The following MBNL1 variants were observed in gnomAD, a reference collection of about 807,000 sequenced individuals.
MBNL1 encodes the protein muscleblind-like protein 1.
A neutral mutation model predicts 42.2 loss-of-function variants in MBNL1; 8 were observed. The ratio of observed to expected loss-of-function variants is 0.19; its 90% CI spans 0.11 to 0.34. MBNL1 has a LOEUF of 0.34. MBNL1 is among the 10% of genes least tolerant of loss of function. The pLI, the probability that MBNL1 is intolerant of heterozygous loss-of-function variation, is 1.00. For missense variants in MBNL1, 309 were observed against 495.3 expected (o/e 0.62, Z 3.57); for synonymous variants, 169 against 173.9 (o/e 0.97, Z 0.22).
At chr3:152,309,106 A>G (rs1215782646) in intron 2 of MBNL1, among the ~76,000 whole-genome samples, 1 of 152,166 alleles carries the variant, frequency 6.6e-6, no homozygotes, top group Non-Finnish European at 1.5e-5. Flanking sequence ...CTTGAGGAAG[A>G]GAGAAAGAAA....
chr3:152,423,719 A>G (rs1446699786), intron 3 of MBNL1, among the ~76,000 whole-genome samples: 1 of 152,220 alleles, frequency 6.6e-6, no homozygotes, highest in African/African-American at 2.4e-5. Context: ...GAGTACATTA[A>G]AAAGCTTATC....
chr3:152,365,290 T>C (rs2096282836), intron 2 of MBNL1, among the ~76,000 whole-genome samples: 1 of 152,102 alleles, frequency 6.6e-6, no homozygotes, highest in African/African-American at 2.4e-5. Context: ...ACCCCTCTTA[T>C]CACTTGATTA....
intron 1 of MBNL1, among the ~76,000 whole-genome samples, chr3:152,281,093 A>G (rs901311208): frequency 1.3e-5 from 2 of 152,140 alleles, no homozygotes; most frequent in Admixed American, 6.6e-5. Flanking sequence ...TAAAATAGCT[A>G]CTTTCTTCGT....
chr3:152,369,993 C>T (rs539494494), intron 2 of MBNL1, among the ~76,000 whole-genome samples: 16 of 151,824 alleles, frequency 1.1e-4, no homozygotes, highest in African/African-American at 3.6e-4. Context: ...TTTGGTTTTC[C>T]GTGTCTTTAT....
At chr3:152,399,787 G>A (rs1366706957) in intron 2 of MBNL1, among the ~76,000 whole-genome samples, 1 of 152,136 alleles carries the variant, frequency 6.6e-6, no homozygotes, top group Non-Finnish European at 1.5e-5. Flanking sequence ...ACAGGCATGA[G>A]CCACTGCACC....
chr3:152,460,140 G>A (rs1240294822), intron 9 of MBNL1, among the ~76,000 whole-genome samples: 1 of 151,802 alleles, frequency 6.6e-6, no homozygotes, highest in Non-Finnish European at 1.5e-5. Context: ...TGTAGTTCCA[G>A]CTACTAGGGA....
intron 2 of MBNL1, among the ~76,000 whole-genome samples, chr3:152,379,093 ATG>A (rs1368997418): frequency 2.0e-5 from 3 of 152,224 alleles, no homozygotes; most frequent in African/African-American, 7.2e-5. Flanking sequence ...GTCATCCTGC[ATG>A]TTTAACATTA....
In MBNL1 at chr3:152,393,522, T is replaced by G. The variant is rs546346615; in HGVS notation, c.175-21419T>G. On this transcript the variant is annotated intron_variant, in intron 2 of 9. Transcript: ENST00000324210. ...ACTTACCTTCTTAAGGAAATGAATG[T>G]TACGGTGAAATATGATTCAGGTCTG... is the stretch of plus-strand genomic sequence containing the variant. 2.0e-4 allele frequency among the ~76,000 whole-genome samples: 31 copies of G among 152,354 alleles called. No individual in the cohort carries two copies. In the East Asian group the frequency reaches 6.0e-3, roughly 29 times the overall value.
intron 2 of MBNL1, among the ~76,000 whole-genome samples, chr3:152,315,275 T>C (rs2070066537): frequency 6.6e-6 from 1 of 152,216 alleles, no homozygotes; most frequent in African/African-American, 2.4e-5. Flanking sequence ...TAGCAGATGC[T>C]TTGTAAAACC....
At position 152,368,481 on chromosome 3, in the gene MBNL1, C is replaced by G. The variant is rs143276585; in HGVS notation, c.175-46460C>G. Among the ~76,000 whole-genome samples the G allele has an allele frequency of 2.1e-3, 326 of 152,206 alleles. 1 individual carries two copies. Among genetic ancestry groups the G allele is most frequent in the African/African-American group, 7.5e-3 (311 of 41,528 alleles). ...CATTGTTCTTTTTGCTTAGAATTGT[C>G]TTGGCTTATACAGGCTCTTTTTTGG... On this transcript the variant is annotated intron_variant, in intron 2 of 9. Transcript: ENST00000324210.
rs2060083333 is a variant in MBNL1, at chr3:152,300,053, T to A, written c.-141T>A. ...GACGACACAATTTTCCATGTACTTT[T>A]AAAGCAGGGAGTGGGGAAAAGTATT... is the stretch of plus-strand genomic sequence containing the variant. On this transcript the variant is annotated 5_prime_UTR_variant, in exon 2 of 10. It removes the in-frame stop codon of an upstream open reading frame in the 5' UTR. Transcript: ENST00000324210. 1.9e-6 allele frequency: 1 copy of A among 539,410 alleles called. No homozygotes were observed. Among genetic ancestry groups the A allele is most frequent in the African/African-American group, 1.9e-5 (1 of 51,380 alleles). The allele number at this position is 539,410 out of a possible 1,614,324, so 33.4% of individuals were successfully genotyped here.
At chr3:152,338,021 C>G in intron 2 of MBNL1, 3 of 883,468 alleles carry the variant, frequency 3.4e-6, no homozygotes, top group Non-Finnish European at 4.1e-6. Flanking sequence ...TTAAATATTG[C>G]GATGACAAGA....
chr3:152,415,897 T>C (rs2098693512), intron 3 of MBNL1, among the ~76,000 whole-genome samples: 1 of 152,248 alleles, frequency 6.6e-6, no homozygotes, highest in Non-Finnish European at 1.5e-5. Flanking sequence ...GAAAGATTAT[T>C]ATAAGAATTA....
chr3:152,252,134 A>ACCTTACTTCCTT (rs2034661060), intron 2 of MBNL1, among the ~76,000 whole-genome samples: 1 of 102,836 alleles, frequency 9.7e-6, no homozygotes, highest in Non-Finnish European at 2.0e-5. Context: ...AAACTAACCT[A>ACCTTACTTCCTT]CCTTCCTTCC....
intron 2 of MBNL1, among the ~76,000 whole-genome samples, chr3:152,365,018 C>A (rs942441551): frequency 1.1e-4 from 16 of 152,038 alleles, no homozygotes; most frequent in Admixed American, 7.9e-4. Flanking sequence ...ATTGACCTCT[C>A]CTTTGGAGAT....
chr3:152,394,928 G>A (rs1238370467), intron 2 of MBNL1, among the ~76,000 whole-genome samples: 1 of 152,050 alleles, frequency 6.6e-6, no homozygotes, highest in Non-Finnish European at 1.5e-5. Flanking sequence ...GAGCGATCTC[G>A]GCTCACTGCA....
intron 2 of MBNL1, among the ~76,000 whole-genome samples, chr3:152,360,745 A>G (rs1360810788): frequency 1.3e-5 from 2 of 152,188 alleles, no homozygotes; most frequent in Non-Finnish European, 2.9e-5. Context: ...TATAATAAAT[A>G]CCATATACCA....
intron 2 of MBNL1, among the ~76,000 whole-genome samples, chr3:152,358,076 G>A (rs2095656461): frequency 6.6e-6 from 1 of 152,078 alleles, no homozygotes; most frequent in African/African-American, 2.4e-5. Context: ...CTTGTAGGAC[G>A]TATTTAAGAA....
At chr3:152,363,011 A>G (rs1208956296) in intron 2 of MBNL1, among the ~76,000 whole-genome samples, 1 of 152,166 alleles carries the variant, frequency 6.6e-6, no homozygotes, top group Non-Finnish European at 1.5e-5. Flanking sequence ...TAAGATAGGC[A>G]GGAAACTAAG....
Sources: gnomAD v4.1 joint callset for allele counts (sites outside exome capture counted in the v4.1 genomes callset) on GRCh38, gnomAD v4.1.1 for gene constraint, MANE v1.5 for transcripts, NCBI Gene and HGNC (gene_info 2026-07-23, HGNC 2026-07-21) for gene names.